The following TENM4 variants were observed in gnomAD, a reference collection of about 807,000 sequenced individuals.
TENM4 encodes the protein teneurin transmembrane protein 4.
A neutral mutation model predicts 243.3 loss-of-function variants in TENM4; 82 were observed. The observed-to-expected ratio is 0.34, with a 90% confidence interval of 0.28 to 0.40. The LOEUF is 0.40. TENM4 is among the 10% of genes least tolerant of loss of function. The pLI, the probability that TENM4 is intolerant of heterozygous loss-of-function variation, is 1.00. For missense variants in TENM4, 3,138 were observed against 3,673.3 expected (o/e 0.85, Z 3.77); for synonymous variants, 1,412 against 1,456.3 (o/e 0.97, Z 0.69).
intron 12 of TENM4, among the ~76,000 whole-genome samples, chr11:78,839,547 GT>G (rs879585796): frequency 7.4e-5 from 11 of 148,542 alleles, no homozygotes; most frequent in Middle Eastern, 3.5e-3. Flanking sequence ...TTCAGTTAAT[GT>G]TTTTTTTTTC....
intron 2 of TENM4, among the ~76,000 whole-genome samples, chr11:79,237,317 A>C (rs917041503): frequency 1.3e-5 from 2 of 152,204 alleles, no homozygotes; most frequent in African/African-American, 2.4e-5. Flanking sequence ...CACTGCCCTG[A>C]TGCCCTGCTA....
chr11:79,128,383 T>G (rs1861925277), intron 4 of TENM4, among the ~76,000 whole-genome samples: 1 of 152,196 alleles, frequency 6.6e-6, no homozygotes, highest in African/African-American at 2.4e-5. Context: ...AAGTGGCTCA[T>G]GCACAGCAGC....
intron 19 of TENM4, among the ~76,000 whole-genome samples, chr11:78,751,886 C>A (rs1385437565): frequency 6.6e-6 from 1 of 152,222 alleles, no homozygotes; most frequent in African/African-American, 2.4e-5. Flanking sequence ...AGCTCCTCCT[C>A]TCCTAAGTGT....
intron 6 of TENM4, among the ~76,000 whole-genome samples, chr11:78,963,195 A>G (rs540060446): frequency 6.6e-6 from 1 of 152,360 alleles, no homozygotes; most frequent in South Asian, 2.1e-4. Flanking sequence ...TGTGAGTTCC[A>G]AGATGTTGTA....
chr11:78,669,866 C>A lies in TENM4; in HGVS notation c.6479G>T (p.Arg2160Leu). Residue 2160 changes from arginine to leucine, a missense_variant, in exon 32 of 34, where the codon CGC (arginine) becomes CTC (leucine). Physicochemically the swap from Arg to Leu is moderately radical, Grantham distance 102 (BLOSUM62 -2). Transcript: ENST00000278550. The surrounding 1 kb of genome is among the most constrained non-coding windows in gnomAD (Gnocchi z 6.4). ...RMKEVQYEIF[R>L]SLMYWMTVQY... is the part of the protein sequence containing the mutation. The stretch of plus-strand genomic sequence containing the variant: ...GACGGTCATCCAGTACATGAGCGAG[C>A]GGAAGATCTCATACTGCACTTCCTT... The A allele has an allele frequency of 1.9e-6, 3 of 1,613,702 alleles. No individual in the cohort carries two copies. Among genetic ancestry groups the A allele is most frequent in the Non-Finnish European group, 2.5e-6 (3 of 1,179,760 alleles).
chr11:79,288,923 C>A (rs1262340489), intron 2 of TENM4, among the ~76,000 whole-genome samples: 1 of 151,956 alleles, frequency 6.6e-6, no homozygotes, highest in African/African-American at 2.4e-5. Flanking sequence ...GGGAAAACTG[C>A]ATTTACTAGG....
At chr11:79,069,106 G>A (rs1466704109) in intron 5 of TENM4, among the ~76,000 whole-genome samples, 2 of 152,156 alleles carry the variant, frequency 1.3e-5, no homozygotes, top group Non-Finnish European at 2.9e-5. Flanking sequence ...GGGCAGGATG[G>A]ATAGGCTTTG....
At chr11:79,253,671 G>A (rs1855652193) in intron 2 of TENM4, among the ~76,000 whole-genome samples, 1 of 152,150 alleles carries the variant, frequency 6.6e-6, no homozygotes, top group Admixed American at 6.5e-5. Flanking sequence ...TTTTCTGTGG[G>A]GTGGGAATGG....
intron 12 of TENM4, among the ~76,000 whole-genome samples, chr11:78,824,344 G>A (rs1857802716): frequency 6.6e-6 from 1 of 152,106 alleles, no homozygotes; most frequent in Non-Finnish European, 1.5e-5. Flanking sequence ...GAGCACAAAA[G>A]CGAGTGGGGG....
chr11:79,233,144 C>T (rs1373540561), intron 2 of TENM4, among the ~76,000 whole-genome samples: 2 of 152,202 alleles, frequency 1.3e-5, no homozygotes, highest in Non-Finnish European at 2.9e-5. Context: ...AGTCAGACGC[C>T]ATGCCTTGGG....
rs545197644 is a variant in TENM4, at chr11:79,117,703, C to T, written c.-66+31007G>A. Among the ~76,000 whole-genome samples, 8 of 152,326 alleles carry T rather than the reference C, an allele frequency of 5.3e-5. No individual in the cohort carries two copies. The East Asian group carries it at 1.5e-3, about 29-fold the overall frequency. On this transcript the variant is annotated intron_variant, in intron 4 of 33. Coordinates refer to ENST00000278550, the MANE Select transcript of TENM4 (RefSeq NM_001098816.3). The stretch of plus-strand genomic sequence containing the variant: ...ACCATCTGTAGGCAAACCTGCTTGA[C>T]AGGGTGTGGTAAGGCCAGCTGAACC...
intron 19 of TENM4, among the ~76,000 whole-genome samples, chr11:78,751,632 A>G (rs1345439154): frequency 6.6e-6 from 1 of 152,158 alleles, no homozygotes; most frequent in Non-Finnish European, 1.5e-5. Context: ...TAACCTGTCC[A>G]GCATCGGCAA....
At chr11:79,080,880 T>C (rs542324296) in intron 4 of TENM4, among the ~76,000 whole-genome samples, 2 of 152,338 alleles carry the variant, frequency 1.3e-5, no homozygotes, top group East Asian at 3.9e-4. Context: ...ATTTTTTTCC[T>C]GACTTTCTCT....
At chr11:79,228,216 G>A (rs1864307424) in intron 2 of TENM4, among the ~76,000 whole-genome samples, 1 of 152,192 alleles carries the variant, frequency 6.6e-6, no homozygotes, top group Non-Finnish European at 1.5e-5. Flanking sequence ...CTCGGGTGGT[G>A]GGCCAGCTTC....
Position 79,263,130 on chromosome 11 carries a change from T to TG in TENM4, c.-265+34357dup, listed in dbSNP as rs201534686. ...TGCTATCTATCAGGAACCCAATGCA[T>TG]GGAGGCAGGTGACCAATAAAAGCCC... On this transcript the variant is annotated intron_variant, in intron 2 of 33. Coordinates refer to ENST00000278550, the MANE Select transcript of TENM4 (RefSeq NM_001098816.3). 3.2e-4 allele frequency among the ~76,000 whole-genome samples: 49 copies of TG among 152,338 alleles called. 2 individuals are homozygous for TG. In the East Asian group the frequency reaches 9.1e-3, roughly 28 times the overall value.
chr11:79,205,211 G>T (rs1054436581), intron 3 of TENM4, among the ~76,000 whole-genome samples: 1 of 152,120 alleles, frequency 6.6e-6, no homozygotes, highest in Non-Finnish European at 1.5e-5. Flanking sequence ...ACAAGAGAGA[G>T]GTCCCTTTTA....
At chr11:79,099,991 C>T (rs1861183638) in intron 4 of TENM4, among the ~76,000 whole-genome samples, 1 of 152,182 alleles carries the variant, frequency 6.6e-6, no homozygotes, top group African/African-American at 2.4e-5. Context: ...CAGTAAAGGG[C>T]TGTCTGGTTG....
At position 79,360,919 on chromosome 11, in the gene TENM4, C is replaced by G. The variant is rs563331204; in HGVS notation, c.-320-63376G>C. On this transcript the variant is annotated intron_variant, in intron 1 of 33. Coordinates refer to ENST00000278550, the MANE Select transcript of TENM4 (RefSeq NM_001098816.3). ...TCTCTTCCTGCCCTGCCCACAATGC[C>G]CTAAGCCTGTGATACAGCAGACCAA... Among the ~76,000 whole-genome samples, 5 of 152,230 alleles carry G rather than the reference C, an allele frequency of 3.3e-5. No individual in the cohort carries two copies. In the East Asian group the frequency reaches 9.7e-4, roughly 29 times the overall value.
At chr11:79,347,080 CTG>C (rs1006353655) in intron 1 of TENM4, among the ~76,000 whole-genome samples, 92 of 152,322 alleles carry the variant, frequency 6.0e-4, no homozygotes, top group African/African-American at 2.1e-3. Context: ...TACTTAGAAA[CTG>C]TTCTTTCGCT....
Sources: gnomAD v4.1 joint callset for allele counts (sites outside exome capture counted in the v4.1 genomes callset) on GRCh38, gnomAD v4.1.1 for gene constraint, Gnocchi (gnomAD v3.1) non-coding constraint, MANE v1.5 for transcripts, NCBI Gene and HGNC (gene_info 2026-07-23, HGNC 2026-07-21) for gene names.